Variants in PKHD1 observed in about 807,000 individuals in gnomAD.
PKHD1 encodes fibrocystin.
In PKHD1, 291 loss-of-function variants were observed where a neutral mutation model predicts 412.0. The observed-to-expected ratio is 0.71, with a 90% CI of 0.64 to 0.78. The LOEUF (loss-of-function observed/expected upper bound fraction) is 0.78, where lower values mean the gene tolerates loss of function less well. Among genes scored for constraint, PKHD1 ranks in the 30% least tolerant of loss-of-function variants. PKHD1 has a pLI of 0.00. For synonymous variants in PKHD1, 1,777 were observed against 1,821.5 expected, an observed-to-expected ratio of 0.98 and a Z score of 0.62; for missense variants, 4,825 against 4,950.7, an observed-to-expected ratio of 0.97 and a Z score of 0.76.
At chr6:51,825,824 G>A (rs1355853436) in intron 52 of PKHD1, among the ~76,000 whole-genome samples, 4 of 152,074 alleles carry the variant, frequency 2.6e-5, no homozygotes, top group African/African-American at 4.8e-5. Context: ...AGTAGCTGAA[G>A]CCCAAATTTC....
intron 36 of PKHD1, among the ~76,000 whole-genome samples, chr6:51,935,088 G>A (rs905957935): frequency 6.6e-6 from 1 of 152,086 alleles, no homozygotes; most frequent in Admixed American, 6.5e-5. Context: ...TGATTCCTAC[G>A]TATTTCTGTC....
chr6:51,747,665 G>C, intron 58 of PKHD1, 122 bp downstream of exon 58: 1 of 813,912 alleles, frequency 1.2e-6, no homozygotes, highest in Non-Finnish European at 2.1e-6. Flanking sequence ...ATACTCAGCA[G>C]GTTGGACAGC....
chr6:51,826,100 C>A (rs970566289), intron 52 of PKHD1, among the ~76,000 whole-genome samples: 4 of 152,118 alleles, frequency 2.6e-5, no homozygotes, highest in African/African-American at 9.7e-5. Context: ...GAATTCCTCC[C>A]CTCAAAAATT....
Position 52,043,736 on chromosome 6 carries a change from A to G in PKHD1, c.2716-6T>C. 6.2e-7 allele frequency: 1 copy of G among 1,609,030 alleles called. No homozygotes were observed. Among genetic ancestry groups the G allele is most frequent in the Non-Finnish European group, 8.5e-7 (1 of 1,175,502 alleles). On this transcript the variant is annotated splice_polypyrimidine_tract_variant and splice_region_variant and intron_variant, in intron 25 of 66. Transcript: ENST00000371117. ...TCATTCACTCGCACAACCACCTGAA[A>G]TGAGGCAAAATTTCTTTTCCATTTT...
rs780841849 is a variant in PKHD1, at chr6:51,659,049, C to T, written c.11077G>A (p.Val3693Ile). 1.1e-5 allele frequency: 17 copies of T among 1,613,434 alleles called. No homozygotes were observed. The highest frequency in any genetic ancestry group is 2.7e-5 in the African/African-American group (2 of 74,888). Residue 3693 changes from valine to isoleucine, a missense_variant, in exon 61 of 67, where the codon GTC becomes ATC. Transcript: ENST00000371117. ...ACCCCAGTCTGTTGAGCAGTGATGA[C>T]TCGATGAGCCAAATTCTGTAATTTG... ...SNKLQNLAHR[V>I]ITAQQTGVLE...
At position 51,701,691 on chromosome 6, in the gene PKHD1, A is replaced by T. The variant is rs111604097; in HGVS notation, c.10157-41722T>A. Among the ~76,000 whole-genome samples, 322 of 152,178 alleles carry T rather than the reference A, an allele frequency of 2.1e-3. 3 individuals carry two copies. The highest frequency in any genetic ancestry group is 7.2e-3 in the African/African-American group (300 of 41,572). On this transcript the variant is annotated intron_variant, in intron 60 of 66. Transcript: ENST00000371117. ...AGAAATAGATATAGGTGAGACACAG[A>T]ATTCATGATTTCAATGTCCAGGCTA...
chr6:51,843,098 AG>A (rs774718541), intron 50 of PKHD1, among the ~76,000 whole-genome samples: 34 of 152,198 alleles, frequency 2.2e-4, no homozygotes, highest in Non-Finnish European at 4.4e-4. Flanking sequence ...TTTTGATTGA[AG>A]GGTGGCGGCT....
In PKHD1 at chr6:51,911,898, T is replaced by G. The variant is rs1191383685; in HGVS notation, c.6391A>C (p.Thr2131Pro). Residue 2131 changes from threonine (T) to proline (P), a missense_variant, in exon 39 of 67, where the codon ACT becomes CCT. Thr to Pro is a conservative substitution (Grantham distance 38, BLOSUM62 -1). Coordinates refer to ENST00000371117, the MANE Select transcript of PKHD1 (RefSeq NM_138694.4). ...VAGEHHILKA[T>P]VALLSRSITI... ...ATACTCCTGCTGAGCAGAGCCACAGTGGCCTTTAAAATATGGTGCTCTCCA... is the reference window on the plus strand; with the variant it reads ...ATACTCCTGCTGAGCAGAGCCACAGGGGCCTTTAAAATATGGTGCTCTCCA... The G allele has an allele frequency of 8.1e-6, 13 of 1,611,612 alleles. No individual in the cohort carries two copies. Among genetic ancestry groups the G allele is most frequent in the Non-Finnish European group, 1.7e-6 (2 of 1,178,174 alleles).
chr6:52,011,174 T>C (rs576120149), intron 34 of PKHD1, among the ~76,000 whole-genome samples: 1 of 152,198 alleles, frequency 6.6e-6, no homozygotes, highest in South Asian at 2.1e-4. Flanking sequence ...GGATTTAAAA[T>C]AAAAAACAGC....
At chr6:51,785,656 G>T (rs1792737386) in intron 53 of PKHD1, among the ~76,000 whole-genome samples, 1 of 152,068 alleles carries the variant, frequency 6.6e-6, no homozygotes, top group South Asian at 2.1e-4. Flanking sequence ...TTTGTTTCAA[G>T]ATATTATTTT....
chr6:51,721,152 ATGGGAG>A, intron 60 of PKHD1: 1 of 955,660 alleles, frequency 1.0e-6, no homozygotes, highest in Non-Finnish European at 1.2e-6. Context: ...CACTGGGCAC[ATGGGAG>A]TTATTTATAT....
At chr6:52,007,867 G>A (rs541014651) in intron 35 of PKHD1, among the ~76,000 whole-genome samples, 22 of 151,802 alleles carry the variant, frequency 1.4e-4, no homozygotes, top group Middle Eastern at 3.4e-3. Context: ...CAGTCGATGC[G>A]ACAGGACGTG....
At chr6:51,686,307 C>T (rs546152617) in intron 60 of PKHD1, among the ~76,000 whole-genome samples, 1 of 152,244 alleles carries the variant, frequency 6.6e-6, no homozygotes, top group South Asian at 2.1e-4. Context: ...AGAACCAGAA[C>T]GCTTTACCTC....
At chr6:51,755,890 G>C (rs1284266190) in intron 55 of PKHD1, among the ~76,000 whole-genome samples, 5 of 151,684 alleles carry the variant, frequency 3.3e-5, no homozygotes, top group African/African-American at 4.9e-5. Context: ...TATGTCATTT[G>C]TATTAAAATA....
At chr6:51,944,975 T>G (rs1020648767) in intron 36 of PKHD1, among the ~76,000 whole-genome samples, 1 of 152,234 alleles carries the variant, frequency 6.6e-6, no homozygotes, top group African/African-American at 2.4e-5. Flanking sequence ...GTCTACAGGC[T>G]CCATGCCAGA....
chr6:51,774,634 T>C (rs992839615), intron 54 of PKHD1, among the ~76,000 whole-genome samples: 5 of 151,986 alleles, frequency 3.3e-5, no homozygotes, highest in African/African-American at 7.2e-5. Context: ...ACAATAGTTA[T>C]ATATTATGGA....
intron 11 of PKHD1, among the ~76,000 whole-genome samples, chr6:52,067,256 T>C (rs1809876184): frequency 6.6e-6 from 1 of 152,226 alleles, no homozygotes; most frequent in Non-Finnish European, 1.5e-5. Context: ...CCCACTATTT[T>C]ATAATTTCTT....
chr6:51,990,368 A>G (rs1796909948), intron 35 of PKHD1, among the ~76,000 whole-genome samples: 1 of 151,998 alleles, frequency 6.6e-6, no homozygotes, highest in African/African-American at 2.4e-5. Context: ...CTCTCCCAAC[A>G]CTGATAATAT....
chr6:52,026,086 A>G lies in PKHD1; in HGVS notation c.3724T>C (p.Leu1242=), dbSNP rs557064160. The G allele has an allele frequency of 1.2e-6, 2 of 1,614,166 alleles. No individual in the cohort carries two copies. Among genetic ancestry groups the G allele is most frequent in the Admixed American group, 1.7e-5 (1 of 60,026 alleles). The change falls in exon 32 of 67, where the codon TTA becomes CTA. Residue 1242 remains leucine (L), a synonymous_variant. Coordinates refer to ENST00000371117, the MANE Select transcript of PKHD1 (RefSeq NM_138694.4). ...TCACACCAGATGCTCGCCTCCGTTA[A>G]GTTCACAATGTCACAGGACCGATTG... ...VGNRSCDIVN[L]TEASIWCETL...
Sources: allele counts gnomAD v4.1 joint callset (sites outside exome capture counted in the v4.1 genomes callset), GRCh38; gene constraint gnomAD v4.1.1; transcripts MANE v1.5; gene names NCBI Gene and HGNC (gene_info 2026-07-23, HGNC 2026-07-21).